TRPM5: variants seen among roughly 807,000 people sequenced by gnomAD.
TRPM5 encodes transient receptor potential cation channel subfamily M member 5.
A neutral mutation model predicts 124.9 loss-of-function variants in TRPM5; 121 were observed. The ratio of observed to expected loss-of-function variants is 0.97; its 90% CI spans 0.84 to 1.13. The LOEUF is 1.13. Among genes scored for constraint, TRPM5 ranks in the 50% most tolerant of loss-of-function variants. TRPM5 has a pLI of 0.00. For synonymous variants in TRPM5, 781 were observed against 700.5 expected (o/e 1.11, Z -1.81); for missense variants, 1,643 against 1,589.1 (o/e 1.03, Z -0.58).
intron 21 of TRPM5, 41 bp from the exon 27 acceptor site, chr11:2,406,132 G>A (rs369569436): frequency 1.3e-4 from 201 of 1,604,818 alleles, no homozygotes; most frequent in Non-Finnish European, 1.6e-4. Context: ...ATGGCCACGC[G>A]GTGCTCTGCG....
At chr11:2,433,078 C>T in the TRPM5 span, among the ~76,000 whole-genome samples, 1 of 152,254 alleles carries the variant, frequency 6.6e-6, no homozygotes, top group Non-Finnish European at 1.5e-5. Flanking sequence ...CTGCAGCGTG[C>T]CACTGCTGTC....
intron 7 of TRPM5, among the ~76,000 whole-genome samples, chr11:2,416,874 T>TCTGTCCA (rs1257391651): frequency 1.3e-5 from 2 of 152,156 alleles, no homozygotes; most frequent in Non-Finnish European, 2.9e-5. Flanking sequence ...TCAACCACGG[T>TCTGTCCA]CTGTCCACAG....
upstream of TRPM5, among the ~76,000 whole-genome samples, chr11:2,426,976 AGCC>A (rs780193183): frequency 6.6e-6 from 1 of 152,150 alleles, no homozygotes; most frequent in Non-Finnish European, 1.5e-5. Context: ...TCAGCTTCTG[AGCC>A]GCACCTGCCT....
rs569925579 is a variant in TRPM5 at position 2,413,223 on chromosome 11, C to T, written c.2007G>A (p.Glu669=). The T allele has an allele frequency of 4.5e-6, 7 of 1,547,384 alleles. No homozygotes were observed. In the African/African-American group the frequency reaches 8.2e-5, roughly 18 times the overall value. ...CCAGGCCTGTCCTCAGGGGAGCTTC[C>T]TCACTGCGAGCACAGGAGAGCTCAG... The change falls in exon 14 of 24, where the codon GAG becomes GAA. Residue 669 remains glutamate, a synonymous_variant. Transcript: ENST00000155858.
At chr11:2,407,455 A>G (rs1850347162) in intron 19 of TRPM5, among the ~76,000 whole-genome samples, 155 bp from the exon 25 acceptor site, 1 of 151,816 alleles carries the variant, frequency 6.6e-6, no homozygotes, top group Non-Finnish European at 1.5e-5. Context: ...CGAGGGGTCC[A>G]CTCTCCTTGG....
chr11:2,430,932 G>A, the TRPM5 span, among the ~76,000 whole-genome samples: 1 of 151,988 alleles, frequency 6.6e-6, no homozygotes, highest in South Asian at 2.1e-4. Context: ...GGTGATGGAG[G>A]TGGTAGTGAT....
chr11:2,407,389 G>GC, intron 19 of TRPM5, 89 bp from the exon 25 acceptor site: 2 of 1,340,144 alleles, frequency 1.5e-6, no homozygotes, highest in South Asian at 2.7e-5. Context: ...CTGTTGGGGA[G>GC]CCCTTTTTGA....
At chr11:2,412,358 G>T in intron 15 of TRPM5, 105 bp from the exon 21 acceptor site, 2 of 563,426 alleles carry the variant, frequency 3.5e-6, no homozygotes, top group South Asian at 2.8e-5. Flanking sequence ...TTCCATCTAT[G>T]ACCAGGGCCG....
the TRPM5 span, among the ~76,000 whole-genome samples, chr11:2,430,788 G>T: frequency 2.7e-4 from 40 of 148,256 alleles, no homozygotes; most frequent in African/African-American, 6.0e-4. Flanking sequence ...GGTGTTGATG[G>T]TGGTGGTGGT....
chr11:2,406,828 G>T (rs1850332565), intron 20 of TRPM5, 35 bp from the exon 26 acceptor site: 2 of 1,593,420 alleles, frequency 1.3e-6, no homozygotes, highest in African/African-American at 2.7e-5. Flanking sequence ...CATTACTAGA[G>T]CATGTGGGCG....
At position 2,407,217 on chromosome 11, in the gene TRPM5, C is replaced by T. The variant is rs375833516; in HGVS notation, c.3020G>A (p.Arg1007His). Reference sequence around the variant, plus strand: ...GATGAAGGGCGGGGCCAGGGCGGGGCGCTCGTGGTACTCCACAATCAGGTT... The same window carrying T: ...GATGAAGGGCGGGGCCAGGGCGGGGTGCTCGTGGTACTCCACAATCAGGTT... Residue 1007 changes from arginine (R) to histidine (H), a missense_variant, in exon 20 of 24, where the codon CGC (arginine) becomes CAC (histidine). Transcript: ENST00000155858. 52 of 1,611,472 alleles carry T rather than the reference C, an allele frequency of 3.2e-5. 1 individual carries two copies. The highest frequency in any genetic ancestry group is 1.4e-4 in the South Asian group (13 of 90,868).
intron 23 of TRPM5, among the ~76,000 whole-genome samples, 165 bp downstream of exon 28, chr11:2,405,362 A>G (rs1440783480): frequency 1.3e-5 from 2 of 152,236 alleles, no homozygotes; most frequent in African/African-American, 4.8e-5. Flanking sequence ...GGACTCCGTC[A>G]GAGGGCACCC....
At chr11:2,443,503 A>G in the TRPM5 span, among the ~76,000 whole-genome samples, 1 of 152,206 alleles carries the variant, frequency 6.6e-6, no homozygotes, top group African/African-American at 2.4e-5. This position sits in a 1 kb window ranked among gnomAD's most constrained non-coding sequence, Gnocchi z 5.0. Flanking sequence ...CACAGCGCCC[A>G]GCACAAGCTG....
chr11:2,426,463 C>T (rs941921673), upstream of TRPM5, among the ~76,000 whole-genome samples: 6 of 152,104 alleles, frequency 3.9e-5, no homozygotes, highest in Non-Finnish European at 8.8e-5. Context: ...GGGCAGGGAG[C>T]CCGGGACAGC....
At chr11:2,435,618 T>TCCAC in the TRPM5 span, among the ~76,000 whole-genome samples, 26 of 149,438 alleles carry the variant, frequency 1.7e-4, no homozygotes, top group East Asian at 3.3e-3. This position sits in a 1 kb window ranked among gnomAD's most constrained non-coding sequence, Gnocchi z 4.1. Context: ...CATCCATCCA[T>TCCAC]CCACCCATCC....
chr11:2,439,343 A>G, the TRPM5 span, among the ~76,000 whole-genome samples: 26 of 152,386 alleles, frequency 1.7e-4, 1 homozygote, highest in African/African-American at 6.3e-4. Context: ...TAATTAAGCT[A>G]AAGAGCTTCT....
intron 6 of TRPM5, 25 bp from the exon 12 acceptor site, chr11:2,417,854 T>C (rs1244035386): frequency 1.9e-6 from 3 of 1,553,654 alleles, no homozygotes; most frequent in South Asian, 1.2e-5. Flanking sequence ...AGAGCCCCCA[T>C]GGGGCCGCCT....
chr11:2,413,081 C>T (rs1850485391), intron 14 of TRPM5, 53 bp downstream of exon 19: 3 of 1,542,332 alleles, frequency 1.9e-6, no homozygotes. Context: ...AGTCCAGCCT[C>T]CCAGCCACCA....
the TRPM5 span, among the ~76,000 whole-genome samples, chr11:2,441,823 G>A: frequency 6.6e-6 from 1 of 152,106 alleles, no homozygotes; most frequent in African/African-American, 2.4e-5. This position sits in a 1 kb window ranked among gnomAD's most constrained non-coding sequence, Gnocchi z 7.2. Context: ...CTGAGTAGGT[G>A]GGATTACAGG....
Sources: gnomAD v4.1 joint callset for allele counts (sites outside exome capture counted in the v4.1 genomes callset) on GRCh38, gnomAD v4.1.1 for gene constraint, Gnocchi (gnomAD v3.1) non-coding constraint, MANE v1.5 for transcripts, NCBI Gene and HGNC (gene_info 2026-07-23, HGNC 2026-07-21) for gene names.